The following CAST variants were observed in gnomAD, a reference collection of about 807,000 sequenced individuals.
CAST encodes the protein calpastatin.
Under a neutral mutation model 119.6 loss-of-function variants are expected in CAST, and 76 were observed. The observed-to-expected ratio is 0.64, with a 90% CI of 0.53 to 0.77. The LOEUF (loss-of-function observed/expected upper bound fraction) is 0.77. Among genes scored for constraint, CAST ranks in the 30% least tolerant of loss-of-function variants. The probability of loss-of-function intolerance (pLI) is 0.00; values close to 1 mark genes in which losing one functional copy is unlikely to be tolerated. For missense variants in CAST, 953 were observed against 946.5 expected (o/e 1.01, Z -0.09); for synonymous variants, 319 against 331.6 (o/e 0.96, Z 0.41).
chr5:96,051,021 A>C, the CAST span, among the ~76,000 whole-genome samples: 3 of 152,210 alleles, frequency 2.0e-5, no homozygotes, highest in East Asian at 5.8e-4. Flanking sequence ...CAGGTATTAC[A>C]AACACTTTGG....
chr5:96,036,035 TG>T, the CAST span, among the ~76,000 whole-genome samples: 86 of 151,848 alleles, frequency 5.7e-4, no homozygotes, highest in African/African-American at 2.1e-3. Context: ...TGAAACTGAT[TG>T]GTTTAGGAAG....
chr5:96,146,544 CTG>C, the CAST span, among the ~76,000 whole-genome samples: 1 of 152,236 alleles, frequency 6.6e-6, no homozygotes. Context: ...CTGCTTTAGA[CTG>C]TGCAGGACCA....
chr5:96,688,436 C>T lies in CAST; in HGVS notation c.139-7400C>T, dbSNP rs924965855. ...TACATGATGACTTACTTATATCCAA[C>T]GATATTTATCATAGCTTTATTTATA... On this transcript the variant is annotated intron_variant, in intron 2 of 31. Transcript: ENST00000675179. Among the ~76,000 whole-genome samples the T allele has an allele frequency of 2.0e-5, 3 of 152,080 alleles. No individual in the cohort carries two copies. In the South Asian group the frequency reaches 6.2e-4, roughly 31 times the overall value.
At chr5:96,195,072 C>CCTTG in the CAST span, among the ~76,000 whole-genome samples, 2 of 152,228 alleles carry the variant, frequency 1.3e-5, no homozygotes, top group Admixed American at 1.3e-4. Flanking sequence ...ATATAATAAT[C>CCTTG]CTTGTTATGC....
chr5:96,600,499 G>A (rs1391041665), intron 1 of CAST, among the ~76,000 whole-genome samples: 9 of 152,136 alleles, frequency 5.9e-5, no homozygotes, highest in East Asian at 1.9e-4. Context: ...TCACAGAAAC[G>A]GAGAAAGAGA....
At chr5:96,713,498 T>A (rs1756605789) in intron 3 of CAST, among the ~76,000 whole-genome samples, 1 of 152,208 alleles carries the variant, frequency 6.6e-6, no homozygotes, top group Non-Finnish European at 1.5e-5. Flanking sequence ...GAGCTCATAA[T>A]CTGTCAGGGT....
chr5:96,556,159 A>G (rs1348560814), intron 1 of CAST, among the ~76,000 whole-genome samples: 1 of 152,230 alleles, frequency 6.6e-6, no homozygotes. Context: ...CCTGACTGTT[A>G]GAAGGAAAAC....
chr5:96,285,577 G>T, the CAST span, among the ~76,000 whole-genome samples: 1 of 152,152 alleles, frequency 6.6e-6, no homozygotes. Flanking sequence ...GCTGAGAAAG[G>T]ACACATTCCC....
chr5:96,331,764 G>A, the CAST span, among the ~76,000 whole-genome samples: 3 of 152,194 alleles, frequency 2.0e-5, no homozygotes, highest in African/African-American at 7.2e-5. Context: ...CCTGCCTGGT[G>A]GGTTTATAGA....
chr5:96,363,509 G>A, the CAST span, among the ~76,000 whole-genome samples: 37 of 152,064 alleles, frequency 2.4e-4, no homozygotes, highest in Admixed American at 3.9e-4. Flanking sequence ...CTTTTATGTC[G>A]TTGAGCAGTG....
the CAST span, among the ~76,000 whole-genome samples, chr5:96,344,018 A>G: frequency 1.3e-5 from 2 of 152,210 alleles, no homozygotes; most frequent in Non-Finnish European, 2.9e-5. Flanking sequence ...GACTGAAGGA[A>G]TTGGATCGTA....
intron 1 of CAST, among the ~76,000 whole-genome samples, chr5:96,621,479 T>C (rs1001414650): frequency 1.4e-4 from 21 of 152,158 alleles, no homozygotes; most frequent in African/African-American, 4.8e-5. Context: ...CTTACAGTCA[T>C]GGTGGAAGGG....
chr5:96,072,080 T>G, the CAST span, among the ~76,000 whole-genome samples: 1 of 152,168 alleles, frequency 6.6e-6, no homozygotes, highest in Non-Finnish European at 1.5e-5. Context: ...ATAATACAGA[T>G]GTGGCAAAAG....
chr5:96,264,680 T>C, the CAST span, among the ~76,000 whole-genome samples: 1 of 152,226 alleles, frequency 6.6e-6, no homozygotes, highest in African/African-American at 2.4e-5. Context: ...TTCCTATTCA[T>C]CCTGTGGGCA....
the CAST span, among the ~76,000 whole-genome samples, chr5:96,252,837 G>A: frequency 6.6e-6 from 1 of 152,144 alleles, no homozygotes. Context: ...ATGGGATGAA[G>A]AGAAATAGCA....
the CAST span, among the ~76,000 whole-genome samples, chr5:96,286,189 T>C: frequency 6.6e-6 from 1 of 152,228 alleles, no homozygotes; most frequent in Admixed American, 6.5e-5. Flanking sequence ...TAGATACTCA[T>C]TCCATTAAGC....
chr5:96,477,787 A>G, the CAST span, among the ~76,000 whole-genome samples: 1 of 152,198 alleles, frequency 6.6e-6, no homozygotes, highest in East Asian at 1.9e-4. Context: ...CAAGGGTTCT[A>G]AAAAGAGGAT....
chr5:96,244,011 A>C, the CAST span, among the ~76,000 whole-genome samples: 1 of 152,098 alleles, frequency 6.6e-6, no homozygotes, highest in Non-Finnish European at 1.5e-5. Flanking sequence ...ACATGAGTGC[A>C]CTCTTATTAT....
the CAST span, among the ~76,000 whole-genome samples, chr5:96,332,242 T>C: frequency 6.6e-6 from 1 of 152,162 alleles, no homozygotes; most frequent in African/African-American, 2.4e-5. Context: ...TATAAGACCA[T>C]GTTTCAGCCT....
Sources: gnomAD v4.1 joint callset for allele counts (sites outside exome capture counted in the v4.1 genomes callset) on GRCh38, gnomAD v4.1.1 for gene constraint, MANE v1.5 for transcripts, NCBI Gene and HGNC (gene_info 2026-07-23, HGNC 2026-07-21) for gene names.